Variants in RFX2 observed in about 807,000 individuals in gnomAD.
RFX2 encodes regulatory factor X2.
RFX2 carries 20 observed loss-of-function variants against 87.8 expected under a neutral mutation model. The ratio of observed to expected loss-of-function variants is 0.23; its 90% CI spans 0.16 to 0.33. The LOEUF (loss-of-function observed/expected upper bound fraction) is 0.33. Ranked by LOEUF, RFX2 falls within the 10% of genes least tolerant of loss-of-function variation. RFX2 has a pLI of 1.00. For missense variants in RFX2, 767 were observed against 1,012.3 expected (o/e 0.76, Z 3.29); for synonymous variants, 397 against 431.3 (o/e 0.92, Z 0.98).
chr19:6,095,108 T>C (rs2144891217), intron 1 of RFX2, among the ~76,000 whole-genome samples: 1 of 152,248 alleles, frequency 6.6e-6, no homozygotes, highest in Admixed American at 6.5e-5. Flanking sequence ...CAAGACTCCA[T>C]CTCAAATAAA....
chr19:5,997,362 GGGGGCTGACGGGCTGCC>G lies in RFX2; in HGVS notation c.1860-166_1860-150del, dbSNP rs1459881828. 6.8e-6 allele frequency: 6 copies of G among 888,188 alleles called. No individual in the cohort carries two copies. Among genetic ancestry groups the G allele is most frequent in the Admixed American group, 6.1e-5 (2 of 32,822 alleles). 55.0% of individuals were successfully genotyped at this position (888,188 alleles called of 1,614,324 possible). A position where few individuals can be genotyped will look rare whatever the true frequency, so the allele number is the denominator to read the frequency against. Reference sequence around the variant, plus strand: ...GATCCTAAGACGTGCAGGCCTACGCGGGGGCTGACGGGCTGCCGAGACCCTGGGCCCACGTGACGGAC... The same window carrying G: ...GATCCTAAGACGTGCAGGCCTACGCGGAGACCCTGGGCCCACGTGACGGAC... On this transcript the variant is annotated intron_variant, in intron 15 of 17. Transcript: ENST00000303657. The surrounding 1 kb of genome is among the most constrained non-coding windows in gnomAD (Gnocchi z 4.2).
intron 9 of RFX2, among the ~76,000 whole-genome samples, chr19:6,009,328 G>T (rs1250136208): frequency 6.6e-6 from 1 of 152,172 alleles, no homozygotes; most frequent in African/African-American, 2.4e-5. Context: ...GCCTTCCTTG[G>T]CCGCCCCCCA....
chr19:5,999,381 G>C lies in RFX2; in HGVS notation c.1860-2168C>G, dbSNP rs1483666614. ...GAGCTGTGCTCTTCTCTGGCTGGCA[G>C]GCACCTCAGTCCTGCGCTCACTCTG... On this transcript the variant is annotated intron_variant, in intron 15 of 17. Coordinates refer to ENST00000303657, the MANE Select transcript of RFX2 (RefSeq NM_000635.4). This position sits in a 1 kb window ranked among gnomAD's most constrained non-coding sequence, Gnocchi z 4.1. Among the ~76,000 whole-genome samples, 1 of 152,094 alleles carries C rather than the reference G, an allele frequency of 6.6e-6. No homozygotes were observed. Among genetic ancestry groups the C allele is most frequent in the Non-Finnish European group, 1.5e-5 (1 of 68,012 alleles).
In RFX2 at chr19:6,020,392, A is replaced by G. The variant is rs1218535707; in HGVS notation, c.598-4121T>C. 2 of 152,358 alleles carry G rather than the reference A, an allele frequency of 1.3e-5. No homozygotes were observed. Among genetic ancestry groups the G allele is most frequent in the Non-Finnish European group, 2.9e-5 (2 of 68,048 alleles). 9.4% of individuals were successfully genotyped at this position (152,358 alleles called of 1,614,324 possible). A position where few individuals can be genotyped will look rare whatever the true frequency, so the allele number is the denominator to read the frequency against. On this transcript the variant is annotated intron_variant, in intron 6 of 17. Coordinates refer to ENST00000303657, the MANE Select transcript of RFX2 (RefSeq NM_000635.4). This position sits in a 1 kb window ranked among gnomAD's most constrained non-coding sequence, Gnocchi z 5.3. ...AGTCCTTCTTGCTCAACATCAAGAAACCACAGAGAAGACTGAAGCGGCTGG... is the reference window on the plus strand; with the variant it reads ...AGTCCTTCTTGCTCAACATCAAGAAGCCACAGAGAAGACTGAAGCGGCTGG...
intron 1 of RFX2, among the ~76,000 whole-genome samples, chr19:6,082,748 A>G (rs982518647): frequency 6.6e-6 from 1 of 152,110 alleles, no homozygotes. Flanking sequence ...AGGGCCAGAA[A>G]ATACACATTT....
In RFX2 at chr19:5,993,611, C is replaced by T. The variant is rs2086364316; in HGVS notation, c.*1224G>A. 6.6e-6 allele frequency: 1 copy of T among 152,210 alleles called. No homozygotes were observed. The allele number at this position is 152,210 out of a possible 1,614,324, so 9.4% of individuals were successfully genotyped here. A position where few individuals can be genotyped will look rare whatever the true frequency, so the allele number is the denominator to read the frequency against. On this transcript the variant is annotated 3_prime_UTR_variant, in exon 18 of 18. Coordinates refer to ENST00000303657, the MANE Select transcript of RFX2 (RefSeq NM_000635.4). ...TTTTTCCAAAAAGAGAAAACTATTG[C>T]ATTTCGTTAGAAATCGCGTCCTGGG...
rs965647184 is a variant in RFX2, at chr19:5,998,350, A to G, written c.1860-1137T>C. Reference sequence around the variant, plus strand: ...TGGAACAATGTCTCAGTCCTCCTATAAGACCTAAAGGACTTATATACAGTG... The same window carrying G: ...TGGAACAATGTCTCAGTCCTCCTATGAGACCTAAAGGACTTATATACAGTG... On this transcript the variant is annotated intron_variant, in intron 15 of 17. Transcript: ENST00000303657. The surrounding 1 kb of genome is among the most constrained non-coding windows in gnomAD (Gnocchi z 4.2). 2.6e-5 allele frequency among the ~76,000 whole-genome samples: 4 copies of G among 152,164 alleles called. No homozygotes were observed. The highest frequency in any genetic ancestry group is 9.7e-5 in the African/African-American group (4 of 41,440).
rs906958625 is a variant in RFX2, at chr19:6,047,334, G to C, written c.90+73C>G. On this transcript the variant is annotated intron_variant, in intron 2 of 17. Transcript: ENST00000303657. The surrounding 1 kb of genome is among the most constrained non-coding windows in gnomAD (Gnocchi z 4.2). ...TACAGATTCCTCTCTTTGCAGATCT[G>C]AGCAGCTTTCAAACCCATAGAGATC... 1 of 1,188,520 alleles carries C rather than the reference G, an allele frequency of 8.4e-7. No homozygotes were observed. Among genetic ancestry groups the C allele is most frequent in the Admixed American group, 2.6e-5 (1 of 38,736 alleles). 73.6% of individuals were successfully genotyped at this position (1,188,520 alleles called of 1,614,324 possible).
chr19:6,026,448 G>A lies in RFX2; in HGVS notation c.523-211C>T, dbSNP rs183565968. On this transcript the variant is annotated intron_variant, in intron 5 of 17. Coordinates refer to ENST00000303657, the MANE Select transcript of RFX2 (RefSeq NM_000635.4). The surrounding 1 kb of genome is among the most constrained non-coding windows in gnomAD (Gnocchi z 4.5). ...CGGTAGGGAGTGTTGCTTCGCACAC[G>A]TAGGTAAGCCCGAGAGCCCGTCCAA... is the stretch of plus-strand genomic sequence containing the variant. 7 of 592,800 alleles carry A rather than the reference G, an allele frequency of 1.2e-5. No individual in the cohort carries two copies. The highest frequency in any genetic ancestry group is 6.2e-5 in the South Asian group (3 of 48,752). The allele number at this position is 592,800 out of a possible 1,614,324, so 36.7% of individuals were successfully genotyped here. A position where few individuals can be genotyped will look rare whatever the true frequency, so the allele number is the denominator to read the frequency against.
rs553692633 is a variant in RFX2, at chr19:6,063,187, G to A, written c.-8-15683C>T. ...GGAAAGCCGGGCTTCCTCTGATTCC[G>A]GATGGAGTGTTTAAATGAGATGTCC... On this transcript the variant is annotated intron_variant, in intron 1 of 17. Transcript: ENST00000303657. The surrounding 1 kb of genome is among the most constrained non-coding windows in gnomAD (Gnocchi z 4.0). Among the ~76,000 whole-genome samples the A allele has an allele frequency of 1.3e-5, 2 of 152,122 alleles. No individual in the cohort carries two copies. The highest frequency in any genetic ancestry group is 2.4e-5 in the African/African-American group (1 of 41,406).
rs1452870745 is a variant in RFX2, at chr19:6,056,508, A to T, written c.-8-9004T>A. On this transcript the variant is annotated intron_variant, in intron 1 of 17. Transcript: ENST00000303657. This position sits in a 1 kb window ranked among gnomAD's most constrained non-coding sequence, Gnocchi z 4.6. ...GAGTAACTCCTCCACCTGGCAGAGGAGAGCGCAGCAGAGAGTGGGCAGAGG... is the reference window on the plus strand; with the variant it reads ...GAGTAACTCCTCCACCTGGCAGAGGTGAGCGCAGCAGAGAGTGGGCAGAGG... Among the ~76,000 whole-genome samples the T allele has an allele frequency of 6.6e-6, 1 of 152,150 alleles. No homozygotes were observed. Among genetic ancestry groups the T allele is most frequent in the East Asian group, 1.9e-4 (1 of 5,194 alleles).
chr19:6,067,419 G>A (rs1214510165), intron 1 of RFX2, among the ~76,000 whole-genome samples: 1 of 152,094 alleles, frequency 6.6e-6, no homozygotes, highest in Non-Finnish European at 1.5e-5. Flanking sequence ...TCACTGCGCC[G>A]GCTCTTCCCT....
intron 1 of RFX2, among the ~76,000 whole-genome samples, chr19:6,088,177 A>G (rs1010592153): frequency 6.6e-6 from 1 of 150,836 alleles, no homozygotes; most frequent in Non-Finnish European, 1.5e-5. Flanking sequence ...AAAGACAAAG[A>G]AGAATGCCAC....
chr19:6,048,878 C>G (rs2087232693), intron 1 of RFX2, among the ~76,000 whole-genome samples: 1 of 151,332 alleles, frequency 6.6e-6, no homozygotes. Context: ...TCCCCGGCCC[C>G]CGCCCCCGTC....
At chr19:6,053,594 T>TG (rs2087292365) in intron 1 of RFX2, among the ~76,000 whole-genome samples, 1 of 152,074 alleles carries the variant, frequency 6.6e-6, no homozygotes, top group Admixed American at 6.5e-5. Flanking sequence ...TGTGGAGGTA[T>TG]GGGGTATATG....
rs1444831934 is a variant in RFX2 at position 6,020,189 on chromosome 19, G to A, written c.598-3918C>T. ...GGACTAGGAGTCCTGAGAGGTTAGA[G>A]TATAAGACTCCATCCACCAGGAGGA... On this transcript the variant is annotated intron_variant, in intron 6 of 17. Coordinates refer to ENST00000303657, the MANE Select transcript of RFX2 (RefSeq NM_000635.4). The surrounding 1 kb of genome is among the most constrained non-coding windows in gnomAD (Gnocchi z 5.3). 1 of 152,166 alleles carries A rather than the reference G, an allele frequency of 6.6e-6. No individual in the cohort carries two copies. Among genetic ancestry groups the A allele is most frequent in the Admixed American group, 6.5e-5 (1 of 15,282 alleles). The allele number at this position is 152,166 out of a possible 1,614,324, so 9.4% of individuals were successfully genotyped here.
chr19:6,091,302 G>T (rs2087931152), intron 1 of RFX2, among the ~76,000 whole-genome samples: 1 of 152,114 alleles, frequency 6.6e-6, no homozygotes, highest in Non-Finnish European at 1.5e-5. Flanking sequence ...ACCAGCCTGG[G>T]CAACATAGTG....
At chr19:6,025,119 C>T (rs562901563) in intron 6 of RFX2, among the ~76,000 whole-genome samples, 13 of 152,256 alleles carry the variant, frequency 8.5e-5, no homozygotes, top group Admixed American at 7.2e-4. Flanking sequence ...GTTAAGATGC[C>T]GAACACATTT....
At position 6,007,227 on chromosome 19, in the gene RFX2, G is replaced by A. The variant is rs1232798274; in HGVS notation, c.1248-61C>T. The A allele has an allele frequency of 2.7e-5, 42 of 1,554,810 alleles. No homozygotes were observed. Among genetic ancestry groups the A allele is most frequent in the African/African-American group, 9.5e-5 (7 of 73,706 alleles). ...GGCCCAGGTGGGCTCACTCAGCCACGGGAGCGAGCAGAGAGCCGGGCTGCG... is the reference window on the plus strand; with the variant it reads ...GGCCCAGGTGGGCTCACTCAGCCACAGGAGCGAGCAGAGAGCCGGGCTGCG... On this transcript the variant is annotated intron_variant, in intron 11 of 17. Coordinates refer to ENST00000303657, the MANE Select transcript of RFX2 (RefSeq NM_000635.4). This position sits in a 1 kb window ranked among gnomAD's most constrained non-coding sequence, Gnocchi z 8.2.
Sources: gnomAD v4.1 joint callset for allele counts (sites outside exome capture counted in the v4.1 genomes callset) on GRCh38, gnomAD v4.1.1 for gene constraint, Gnocchi (gnomAD v3.1) non-coding constraint, MANE v1.5 for transcripts, NCBI Gene and HGNC (gene_info 2026-07-23, HGNC 2026-07-21) for gene names.